KIF17: variants seen among roughly 807,000 people sequenced by gnomAD.
The protein encoded by KIF17 is kinesin family member 17.
Under a neutral mutation model 96.8 loss-of-function variants are expected in KIF17, and 80 were observed. That is an observed-to-expected ratio of 0.83 (90% CI 0.69 to 1.00). KIF17 has a LOEUF of 1.00. KIF17 is among the 50% of genes least tolerant of loss of function. The pLI is 0.00. For synonymous variants in KIF17, 567 were observed against 587.5 expected, an observed-to-expected ratio of 0.97 and a Z score of 0.51; for missense variants, 1,280 against 1,372.9, an observed-to-expected ratio of 0.93 and a Z score of 1.07.
At chr1:20,701,681 G>A (rs757955147) in intron 5 of KIF17, among the ~76,000 whole-genome samples, 1 of 152,134 alleles carries the variant, frequency 6.6e-6, no homozygotes, top group Non-Finnish European at 1.5e-5. Context: ...CAGAGGGCAT[G>A]TAGGAAGCAA....
intron 13 of KIF17, among the ~76,000 whole-genome samples, chr1:20,669,895 A>C (rs1570430758): frequency 1.4e-5 from 2 of 142,366 alleles, no homozygotes; most frequent in African/African-American, 2.6e-5. Flanking sequence ...AAAAAAAAAA[A>C]AAAAAAAAAC....
chr1:20,685,986 G>T lies in KIF17; in HGVS notation c.2019+60C>A. On this transcript the variant is annotated intron_variant, in intron 9 of 14. Transcript: ENST00000400463. The surrounding 1 kb of genome is among the most constrained non-coding windows in gnomAD (Gnocchi z 4.1). ...TCAGGGAGGGAGAAGACAAGCTGGAGTTTCCCAGGAAGTTGAAGAGAACCC... is the reference window on the plus strand; with the variant it reads ...TCAGGGAGGGAGAAGACAAGCTGGATTTTCCCAGGAAGTTGAAGAGAACCC... 1 of 1,350,690 alleles carries T rather than the reference G, an allele frequency of 7.4e-7. No homozygotes were observed. The highest frequency in any genetic ancestry group is 1.0e-6 in the Non-Finnish European group (1 of 964,212). The allele number at this position is 1,350,690 out of a possible 1,614,324, so 83.7% of individuals were successfully genotyped here.
intron 5 of KIF17, among the ~76,000 whole-genome samples, chr1:20,703,165 A>AGATGGATGGATGGATGGATGGATG (rs375493743): frequency 4.6e-5 from 4 of 86,742 alleles, no homozygotes; most frequent in Non-Finnish European, 7.4e-5. Context: ...GGAAGGATGG[A>AGATGGATGGATGGATGGATGGATG]GATGGATGGA....
chr1:20,694,540 A>G (rs2054099408), intron 6 of KIF17, among the ~76,000 whole-genome samples: 1 of 152,224 alleles, frequency 6.6e-6, no homozygotes, highest in Non-Finnish European at 1.5e-5. Context: ...CTGCCACTGT[A>G]GTAAGCCAGA....
chr1:20,683,813 C>T (rs1464169728), intron 10 of KIF17, among the ~76,000 whole-genome samples: 1 of 152,232 alleles, frequency 6.6e-6, no homozygotes, highest in Non-Finnish European at 1.5e-5. Flanking sequence ...CTCCAAATGC[C>T]CGGGCCGGGT....
rs754217663 is a variant in KIF17 at position 20,671,989 on chromosome 1, C to T, written c.2671G>A (p.Gly891Ser). 5.6e-6 allele frequency: 9 copies of T among 1,614,044 alleles called. No individual in the cohort carries two copies. The highest frequency in any genetic ancestry group is 2.2e-5 in the South Asian group (2 of 91,084). ...ACGGGATGTGGGATCTTCCAGAAGC[C>T]GTTATCTTCGTCCCAGCAGGACTCA... is the stretch of plus-strand genomic sequence containing the variant. Reference protein sequence around the residue: ...LRESCWDEDNGFWKIPHPVIT... With the variant: ...LRESCWDEDNSFWKIPHPVIT... The change falls in exon 12 of 15, where the codon GGC (glycine) becomes AGC (serine). Residue 891 changes from glycine (G) to serine (S), a missense_variant. Transcript: ENST00000400463.
At chr1:20,675,250 A>G (rs2053718344) in intron 11 of KIF17, among the ~76,000 whole-genome samples, 1 of 151,394 alleles carries the variant, frequency 6.6e-6, no homozygotes, top group Admixed American at 6.6e-5. Context: ...GATCAAGACC[A>G]TCCTGGCTAA....
intron 10 of KIF17, 35 bp from the exon 11 acceptor site, chr1:20,682,919 A>T (rs369573433): frequency 3.4e-5 from 54 of 1,576,978 alleles, no homozygotes; most frequent in Non-Finnish European, 4.5e-5. Flanking sequence ...ACAAGACAAT[A>T]TCTGCCCATC....
intron 11 of KIF17, among the ~76,000 whole-genome samples, chr1:20,680,941 G>A (rs957832271): frequency 4.6e-5 from 7 of 151,750 alleles, no homozygotes. Context: ...GGCTAATACA[G>A]TGAAACCCCG....
At chr1:20,689,274 T>C (rs928659885) in intron 7 of KIF17, among the ~76,000 whole-genome samples, 1 of 152,094 alleles carries the variant, frequency 6.6e-6, no homozygotes, top group Non-Finnish European at 1.5e-5. Context: ...TATTCATGAG[T>C]GCTAGGAAGT....
chr1:20,704,375 C>G lies in KIF17; in HGVS notation c.1123+72G>C. The G allele has an allele frequency of 3.1e-6, 4 of 1,272,168 alleles. No individual in the cohort carries two copies. Among genetic ancestry groups the G allele is most frequent in the South Asian group, 2.5e-5 (2 of 79,286 alleles). The allele number at this position is 1,272,168 out of a possible 1,614,324, so 78.8% of individuals were successfully genotyped here. On this transcript the variant is annotated intron_variant, in intron 5 of 14. Coordinates refer to ENST00000400463, the MANE Select transcript of KIF17 (RefSeq NM_001122819.3). The surrounding 1 kb of genome is among the most constrained non-coding windows in gnomAD (Gnocchi z 6.8). ...TGTCTTTTAGGTGGGAAGTTGGAGG[C>G]GAGAAGACAGAGGGAAGGAAGCTTT...
At chr1:20,689,939 C>G (rs1026957641) in intron 7 of KIF17, among the ~76,000 whole-genome samples, 24 of 152,190 alleles carry the variant, frequency 1.6e-4, no homozygotes, top group African/African-American at 5.8e-4. Context: ...GGCCAGACTG[C>G]TTGGGTTCAA....
chr1:20,667,864 G>C (rs567161700), intron 13 of KIF17, among the ~76,000 whole-genome samples: 9 of 152,154 alleles, frequency 5.9e-5, no homozygotes, highest in Non-Finnish European at 1.3e-4. Flanking sequence ...AAAAAAATTA[G>C]CTGGACGTCG....
At chr1:20,669,406 G>A (rs1010848360) in intron 13 of KIF17, among the ~76,000 whole-genome samples, 34 of 151,372 alleles carry the variant, frequency 2.2e-4, no homozygotes, top group African/African-American at 7.3e-4. Context: ...GCTTGGTGGC[G>A]GGTGCCTGTA....
intron 6 of KIF17, among the ~76,000 whole-genome samples, chr1:20,694,376 G>A (rs181853874): frequency 3.3e-5 from 5 of 152,144 alleles, no homozygotes; most frequent in African/African-American, 4.8e-5. Context: ...AAACACCTGC[G>A]GAGCCAGTAA....
At chr1:20,715,739 C>T in intron 1 of KIF17, 100 bp from the exon 2 acceptor site, 1 of 1,394,282 alleles carries the variant, frequency 7.2e-7, no homozygotes, top group Non-Finnish European at 1.0e-6. Context: ...CTTCCTGGTC[C>T]CCCCACCAAC....
At chr1:20,683,663 A>G (rs977324050) in intron 10 of KIF17, among the ~76,000 whole-genome samples, 3 of 152,058 alleles carry the variant, frequency 2.0e-5, no homozygotes, top group African/African-American at 7.2e-5. Context: ...TCAAAAAAAA[A>G]AGAAAGAAAA....
At chr1:20,708,573 C>T (rs144986031) in intron 4 of KIF17, among the ~76,000 whole-genome samples, 194 of 152,326 alleles carry the variant, frequency 1.3e-3, no homozygotes, top group African/African-American at 4.3e-3. Context: ...TGGACCACAG[C>T]TTGGAGGCAG....
chr1:20,712,986 C>CTA (rs1042016670), intron 3 of KIF17, among the ~76,000 whole-genome samples: 4 of 134,800 alleles, frequency 3.0e-5, no homozygotes, highest in African/African-American at 1.1e-4. Context: ...TATATAGATA[C>CTA]TATATATAAT....
Sources: allele counts gnomAD v4.1 joint callset (sites outside exome capture counted in the v4.1 genomes callset), GRCh38; gene constraint gnomAD v4.1.1; non-coding constraint Gnocchi (gnomAD v3.1); transcripts MANE v1.5; gene names NCBI Gene and HGNC (gene_info 2026-07-23, HGNC 2026-07-21).